The following NCOA1 variants were observed in gnomAD, a reference collection of about 807,000 sequenced individuals.
The protein encoded by NCOA1 is nuclear receptor coactivator 1, also known as Hin-2 protein.
NCOA1 carries 35 observed loss-of-function variants against 150.9 expected under a neutral mutation model. That is an observed-to-expected ratio of 0.23 (90% CI 0.18 to 0.31). The LOEUF is 0.31. NCOA1 is among the 10% of genes least tolerant of loss of function. The pLI, the probability that NCOA1 is intolerant of heterozygous loss-of-function variation, is 1.00. For synonymous variants in NCOA1, 590 were observed against 630.0 expected (o/e 0.94, Z 0.95); for missense variants, 1,491 against 1,749.3 (o/e 0.85, Z 2.63).
chr2:24,749,896 C>G (rs1419988805), intron 19 of NCOA1, among the ~76,000 whole-genome samples: 1 of 151,868 alleles, frequency 6.6e-6, no homozygotes, highest in Non-Finnish European at 1.5e-5. Flanking sequence ...GACATTAAAG[C>G]AATTATAAAT....
chr2:24,720,567 G>A (rs1444593179), intron 14 of NCOA1, among the ~76,000 whole-genome samples: 1 of 152,158 alleles, frequency 6.6e-6, no homozygotes, highest in Non-Finnish European at 1.5e-5. Flanking sequence ...TACCAAGGTA[G>A]ATATGGGGGA....
In NCOA1 at chr2:24,501,317, C is replaced by CGA. The variant is rs1432417129; in HGVS notation, c.-396+9716_-396+9717dup. On this transcript the variant is annotated intron_variant, in intron 1 of 22. Coordinates refer to ENST00000348332, the MANE Select transcript of NCOA1 (RefSeq NM_003743.5). ...ATAGTTATATCTCATAAAAATGAAC[C>CGA]GAATATAGAACTAGACCTTCAAGTT... Among the ~76,000 whole-genome samples, 7 of 151,888 alleles carry CGA rather than the reference C, an allele frequency of 4.6e-5. No individual in the cohort carries two copies. The East Asian group carries it at 9.6e-4, about 21-fold the overall frequency.
At chr2:24,593,829 A>G (rs1227132557) in intron 3 of NCOA1, among the ~76,000 whole-genome samples, 1 of 152,162 alleles carries the variant, frequency 6.6e-6, no homozygotes, top group Non-Finnish European at 1.5e-5. Context: ...CCCAATATGT[A>G]TCTTTAGCTT....
chr2:24,623,946 A>G (rs11677500), intron 3 of NCOA1, among the ~76,000 whole-genome samples: 73,532 of 152,060 alleles, frequency 0.48, 19,378 homozygotes, highest in Admixed American at 0.65. Context: ...AGAAGGGGAC[A>G]CAATTCAGTC....
rs553279440 is a variant in NCOA1 at position 24,637,454 on chromosome 2, A to G, written c.-174-6512A>G. On this transcript the variant is annotated intron_variant, in intron 3 of 22. Coordinates refer to ENST00000348332, the MANE Select transcript of NCOA1 (RefSeq NM_003743.5). Reference sequence around the variant, plus strand: ...TTGGAACCAACCCAAATGTCCAACAATGATAGACTGGATTAAGAAAATGTG... The same window carrying G: ...TTGGAACCAACCCAAATGTCCAACAGTGATAGACTGGATTAAGAAAATGTG... 1.1e-3 allele frequency among the ~76,000 whole-genome samples: 162 copies of G among 151,768 alleles called. 1 individual carries two copies. The highest frequency in any genetic ancestry group is 3.7e-3 in the African/African-American group (151 of 41,350).
intron 6 of NCOA1, among the ~76,000 whole-genome samples, chr2:24,666,208 G>A (rs1429429176): frequency 6.6e-6 from 1 of 151,688 alleles, no homozygotes; most frequent in African/African-American, 2.4e-5. Context: ...TAGAGACGGG[G>A]TTTCACCATG....
chr2:24,566,930 G>A (rs984516601), intron 2 of NCOA1, among the ~76,000 whole-genome samples: 13 of 152,236 alleles, frequency 8.5e-5, no homozygotes, highest in African/African-American at 3.1e-4. Flanking sequence ...CCCTAAGAGT[G>A]CAGAGAAGTC....
chr2:24,713,296 C>T (rs1022610795), intron 14 of NCOA1, among the ~76,000 whole-genome samples: 3 of 151,338 alleles, frequency 2.0e-5, no homozygotes, highest in Admixed American at 6.6e-5. Context: ...AAAAGAATTA[C>T]ACAAACAAGG....
chr2:24,687,605 A>G (rs967718995), intron 8 of NCOA1, among the ~76,000 whole-genome samples: 2 of 152,054 alleles, frequency 1.3e-5, no homozygotes, highest in African/African-American at 4.8e-5. Context: ...GAGAAGAGGA[A>G]GCAATTGCCT....
At chr2:24,710,069 TTTTTATTTTA>T (rs200816186) in intron 13 of NCOA1, among the ~76,000 whole-genome samples, 1 of 151,440 alleles carries the variant, frequency 6.6e-6, no homozygotes, top group African/African-American at 2.4e-5. Flanking sequence ...TATTTATTCT[TTTTTATTTTA>T]TTTTATTTTA....
intron 17 of NCOA1, among the ~76,000 whole-genome samples, chr2:24,730,631 A>G (rs1365777895): frequency 6.6e-6 from 1 of 152,152 alleles, no homozygotes; most frequent in Non-Finnish European, 1.5e-5. Context: ...CTTCTCTCTC[A>G]TGACAGGAAA....
intron 7 of NCOA1, among the ~76,000 whole-genome samples, chr2:24,677,145 ACCAGC>A (rs1322353086): frequency 6.6e-6 from 1 of 152,040 alleles, no homozygotes; most frequent in African/African-American, 2.4e-5. Context: ...GGAGTTTGAG[ACCAGC>A]CTGGCCAACA....
At chr2:24,706,437 T>C (rs1267790911) in intron 12 of NCOA1, 131 bp from the exon 13 acceptor site, 2 of 1,064,176 alleles carry the variant, frequency 1.9e-6, no homozygotes, top group South Asian at 2.2e-5. Flanking sequence ...TTTAAGATGG[T>C]ACAGAAGCTC....
chr2:24,614,245 A>ATTTTTTTTTTTTTTTTTTTTTTTTTT (rs1553437159), intron 3 of NCOA1, among the ~76,000 whole-genome samples: 2 of 24,438 alleles, frequency 8.2e-5, no homozygotes, highest in Admixed American at 6.0e-4. Context: ...ATGGGGTTTC[A>ATTTTTTTTTTTTTTTTTTTTTTTTTT]TTCTGTTATC....
intron 2 of NCOA1, among the ~76,000 whole-genome samples, chr2:24,566,373 C>T (rs1350984641): frequency 6.6e-6 from 1 of 151,970 alleles, no homozygotes; most frequent in Admixed American, 6.6e-5. Flanking sequence ...CAGCTCTTCT[C>T]CACAACTGGT....
intron 11 of NCOA1, among the ~76,000 whole-genome samples, chr2:24,702,299 A>AT (rs903684736): frequency 2.8e-4 from 42 of 152,100 alleles, no homozygotes; most frequent in African/African-American, 8.9e-4. Flanking sequence ...AGGGGTAATT[A>AT]TTTTTTCTGT....
Position 24,621,432 on chromosome 2 carries a change from A to ATTTTTTT in NCOA1, c.-174-22507_-174-22501dup, listed in dbSNP as rs1162282258. 3.4e-3 allele frequency among the ~76,000 whole-genome samples: 132 copies of ATTTTTTT among 38,898 alleles called. 27 individuals are homozygous for ATTTTTTT. Among genetic ancestry groups the ATTTTTTT allele is most frequent in the African/African-American group, 4.2e-3 (36 of 8,606 alleles). The allele number at this position is 38,898 out of a possible 152,430, so 25.5% of individuals were successfully genotyped here. ...TTGTGTTATGTGTGTATTCAGGCAG[A>ATTTTTTT]TTTTTTTTTTTTTTTTTTTTTTTTT... On this transcript the variant is annotated intron_variant, in intron 3 of 22. Transcript: ENST00000348332.
chr2:24,732,998 A>G (rs1663097423), intron 17 of NCOA1, among the ~76,000 whole-genome samples: 1 of 152,168 alleles, frequency 6.6e-6, no homozygotes, highest in African/African-American at 2.4e-5. Context: ...AGTCACATGT[A>G]CACCCTTAAC....
chr2:24,664,226 A>C (rs191901168), intron 5 of NCOA1, among the ~76,000 whole-genome samples: 1 of 152,244 alleles, frequency 6.6e-6, no homozygotes, highest in Admixed American at 6.5e-5. Context: ...TTTAATAACT[A>C]CAATTGGGAA....
Sources: gnomAD v4.1 joint callset for allele counts (sites outside exome capture counted in the v4.1 genomes callset) on GRCh38, gnomAD v4.1.1 for gene constraint, MANE v1.5 for transcripts, NCBI Gene and HGNC (gene_info 2026-07-23, HGNC 2026-07-21) for gene names.